The following SPECC1 variants were observed in gnomAD, a reference collection of about 807,000 sequenced individuals.
The protein encoded by SPECC1 is cytospin-B.
Under a neutral mutation model 104.1 loss-of-function variants are expected in SPECC1, and 62 were observed. That is an observed-to-expected ratio of 0.60 (90% CI 0.49 to 0.74). SPECC1 has a LOEUF of 0.74. SPECC1 is among the 30% of genes least tolerant of loss of function. The pLI is 0.00. For missense variants in SPECC1, 1,306 were observed against 1,310.5 expected (o/e 1.00, Z 0.05); for synonymous variants, 513 against 501.6 (o/e 1.02, Z -0.30).
At chr17:20,295,381 G>A (rs2041315420) in intron 12 of SPECC1, among the ~76,000 whole-genome samples, 1 of 151,950 alleles carries the variant, frequency 6.6e-6, no homozygotes, top group African/African-American at 2.4e-5. Flanking sequence ...AGTATTCGAT[G>A]GTGTACATGT....
intron 1 of SPECC1, among the ~76,000 whole-genome samples, chr17:20,021,350 C>T (rs1369726487): frequency 6.6e-6 from 1 of 152,022 alleles, no homozygotes; most frequent in African/African-American, 2.4e-5. Flanking sequence ...TATTCTGTAT[C>T]TTAGGATTGT....
At chr17:20,059,597 C>G (rs998921706) in intron 1 of SPECC1, among the ~76,000 whole-genome samples, 1 of 152,194 alleles carries the variant, frequency 6.6e-6, no homozygotes, top group East Asian at 1.9e-4. Context: ...CCTTTTCTTT[C>G]TGGTCCTCCT....
intron 4 of SPECC1, among the ~76,000 whole-genome samples, chr17:20,219,115 A>C (rs1004058838): frequency 1.2e-4 from 19 of 152,168 alleles, no homozygotes; most frequent in African/African-American, 4.6e-4. Context: ...AAACTTGGTG[A>C]GTGCAGATAT....
At chr17:20,086,809 C>T (rs1028869143) in intron 1 of SPECC1, among the ~76,000 whole-genome samples, 9 of 152,152 alleles carry the variant, frequency 5.9e-5, no homozygotes, top group Admixed American at 1.3e-4. Flanking sequence ...AGGTCCTCAT[C>T]GTTCAAATGC....
chr17:20,042,575 G>A (rs1220870397), intron 1 of SPECC1, among the ~76,000 whole-genome samples: 1 of 152,168 alleles, frequency 6.6e-6, no homozygotes, highest in African/African-American at 2.4e-5. Context: ...CAGCCTTGGT[G>A]GGGGTGTTGG....
intron 4 of SPECC1, among the ~76,000 whole-genome samples, chr17:20,221,635 A>G (rs1312553580): frequency 6.6e-6 from 1 of 151,742 alleles, no homozygotes; most frequent in East Asian, 1.9e-4. Flanking sequence ...TATTTTTTTC[A>G]TTAAAATTTC....
chr17:20,207,184 A>T (rs539349173), intron 4 of SPECC1, among the ~76,000 whole-genome samples: 1 of 152,220 alleles, frequency 6.6e-6, no homozygotes, highest in Non-Finnish European at 1.5e-5. Context: ...CAAGGAGCAA[A>T]TTATGCCATG....
chr17:20,184,914 G>A (rs751493005), intron 3 of SPECC1, among the ~76,000 whole-genome samples: 120 of 152,326 alleles, frequency 7.9e-4, no homozygotes, highest in Non-Finnish European at 1.2e-3. Flanking sequence ...CCTTTGCCTC[G>A]TTTTCAGTGG....
intron 3 of SPECC1, among the ~76,000 whole-genome samples, chr17:20,139,968 C>A (rs1055521158): frequency 2.0e-5 from 3 of 152,182 alleles, no homozygotes; most frequent in African/African-American, 7.2e-5. Flanking sequence ...GCCACCGCAC[C>A]CAGCCCACTT....
chr17:20,159,496 C>G (rs1445493471), intron 3 of SPECC1, among the ~76,000 whole-genome samples: 1 of 152,194 alleles, frequency 6.6e-6, no homozygotes, highest in Admixed American at 6.5e-5. Flanking sequence ...CCGCTGTAGG[C>G]GTTGAGATTG....
chr17:20,229,730 AG>A (rs1293585460), intron 5 of SPECC1, among the ~76,000 whole-genome samples: 1 of 152,226 alleles, frequency 6.6e-6, no homozygotes, highest in Non-Finnish European at 1.5e-5. Flanking sequence ...CATCAGAGAA[AG>A]GGAGAAGTTT....
In SPECC1 at chr17:20,182,979, A is replaced by G. The variant is rs1028767050; in HGVS notation, c.284-21354A>G. Among the ~76,000 whole-genome samples the G allele has an allele frequency of 2.0e-5, 3 of 152,362 alleles. No individual in the cohort carries two copies. In the South Asian group the frequency reaches 6.2e-4, roughly 32 times the overall value. ...AAATAATGGGGTACAACTAGCCTCT[A>G]CTTGGACATAGGTAGTACTCTGGGG... On this transcript the variant is annotated intron_variant, in intron 3 of 14. Coordinates refer to ENST00000395527, the MANE Select transcript of SPECC1 (RefSeq NM_001243439.2).
At chr17:20,180,401 T>C (rs1190055750) in intron 3 of SPECC1, among the ~76,000 whole-genome samples, 1 of 152,230 alleles carries the variant, frequency 6.6e-6, no homozygotes, top group African/African-American at 2.4e-5. Flanking sequence ...AGAGGTACTA[T>C]ATATTGGTAG....
At chr17:20,058,644 G>C (rs1055289538) in intron 1 of SPECC1, among the ~76,000 whole-genome samples, 4 of 152,030 alleles carry the variant, frequency 2.6e-5, no homozygotes, top group Admixed American at 1.3e-4. Flanking sequence ...GGGCAACAAA[G>C]TGAGACCGTG....
chr17:20,187,246 A>T (rs537845674), intron 3 of SPECC1, among the ~76,000 whole-genome samples: 1 of 152,254 alleles, frequency 6.6e-6, no homozygotes, highest in Admixed American at 6.5e-5. Flanking sequence ...GGCATTGGTC[A>T]GACCACATTT....
intron 13 of SPECC1, among the ~76,000 whole-genome samples, chr17:20,298,984 G>GTGTGTGTGT (rs1395919924): frequency 0.068 from 5,074 of 74,868 alleles, 955 homozygotes; most frequent in East Asian, 0.22. Context: ...TGTAGAGAGA[G>GTGTGTGTGT]AGAGAGAGAG....
chr17:20,243,867 A>G (rs944980808), intron 7 of SPECC1, among the ~76,000 whole-genome samples: 1 of 152,186 alleles, frequency 6.6e-6, no homozygotes, highest in Non-Finnish European at 1.5e-5. Context: ...ATGTAAAATG[A>G]ATTATTTAAA....
intron 3 of SPECC1, among the ~76,000 whole-genome samples, chr17:20,114,560 A>G (rs1265894440): frequency 1.3e-5 from 2 of 150,598 alleles, no homozygotes; most frequent in Admixed American, 6.6e-5. Flanking sequence ...TCTCTGCAAC[A>G]GTAGAGGAAG....
At chr17:20,112,917 G>T in intron 3 of SPECC1, 1 of 1,522,636 alleles carries the variant, frequency 6.6e-7, no homozygotes, top group Non-Finnish European at 9.1e-7. Context: ...GCCAACCTGA[G>T]AGGGTCCAAC....
Sources: gnomAD v4.1 joint callset for allele counts (sites outside exome capture counted in the v4.1 genomes callset) on GRCh38, gnomAD v4.1.1 for gene constraint, MANE v1.5 for transcripts, NCBI Gene and HGNC (gene_info 2026-07-23, HGNC 2026-07-21) for gene names.